Variants in SRPX2 observed in about 807,000 individuals in gnomAD.
SRPX2 encodes the protein sushi repeat-containing protein SRPX2.
In SRPX2, 26 loss-of-function variants were observed where a neutral mutation model predicts 45.3. That is an observed-to-expected ratio of 0.57 (90% CI 0.42 to 0.80). The LOEUF (loss-of-function observed/expected upper bound fraction) is 0.80. Among genes scored for constraint, SRPX2 ranks in the 30% least tolerant of loss-of-function variants. SRPX2 has a pLI of 0.00. For synonymous variants in SRPX2, 125 were observed against 143.7 expected (o/e 0.87, Z 0.93); for missense variants, 355 against 399.8 (o/e 0.89, Z 0.95).
intron 10 of SRPX2, 123 bp from the exon 11 acceptor site, chrX:100,670,684 C>A: frequency 1.3e-6 from 1 of 741,451 alleles, no homozygotes; most frequent in Middle Eastern, 4.4e-4. Flanking sequence ...GGAATGGGGA[C>A]CAGGGATGAG....
Position 100,672,559 on chromosome X carries a change from C to A in SRPX2, c.*1572C>A, listed in dbSNP as rs1438594824. On this transcript the variant is annotated 3_prime_UTR_variant, in exon 11 of 11. Coordinates refer to ENST00000373004, the MANE Select transcript of SRPX2 (RefSeq NM_014467.3). The stretch of plus-strand genomic sequence containing the variant: ...AGGTAATTTGCCTAAGATCAGACAG[C>A]TAGTAAGTGGCAGAGTCAGGATTTC... 8.9e-6 allele frequency: 1 copy of A among 112,498 alleles called. No homozygotes were observed. Among genetic ancestry groups the A allele is most frequent in the Non-Finnish European group, 1.9e-5 (1 of 53,370 alleles). 9.3% of individuals were successfully genotyped at this position (112,498 alleles called of 1,213,427 possible).
chrX:100,665,460 G>T, intron 6 of SRPX2, 76 bp from the exon 7 acceptor site: 2 of 1,206,848 alleles, frequency 1.7e-6, no homozygotes, highest in Non-Finnish European at 2.2e-6. Context: ...AGGCTAAGGT[G>T]ACAGTGGGGA....
chrX:100,665,213 G>A lies in SRPX2; in HGVS notation c.533-30G>A, dbSNP rs185564106. 5.8e-3 allele frequency: 7,041 copies of A among 1,206,453 alleles called. 14 individuals are homozygous for A. Among genetic ancestry groups the A allele is most frequent in the South Asian group, 0.015 (823 of 55,746 alleles). ...CCTCCAGGGAAAGCAAGGGGCCCAC[G>A]AGTCAGCACTTGATTTTTCATCTTG... On this transcript the variant is annotated intron_variant, in intron 5 of 10. Transcript: ENST00000373004.
chrX:100,669,114 G>A lies in SRPX2; in HGVS notation c.1096-134G>A, dbSNP rs1394873107. On this transcript the variant is annotated intron_variant, in intron 9 of 10. Transcript: ENST00000373004. The stretch of plus-strand genomic sequence containing the variant: ...AACAGGTTGTTGTAGACCCCACAGT[G>A]TGATTGCGTGATCATTGGGGGAGAA... 17 of 845,076 alleles carry A rather than the reference G, an allele frequency of 2.0e-5. No individual in the cohort carries two copies. In the Admixed American group the frequency reaches 4.0e-4, roughly 20 times the overall value. 69.6% of individuals were successfully genotyped at this position (845,076 alleles called of 1,213,427 possible).
Position 100,672,118 on chromosome X carries a change from G to A in SRPX2, c.*1131G>A, listed in dbSNP as rs753031060. ...TGAGAGATGAGCACAGAGCAGGTGG[G>A]AGCTATAGCAGCACAAAATCAAGCC... is the stretch of plus-strand genomic sequence containing the variant. On this transcript the variant is annotated 3_prime_UTR_variant, in exon 11 of 11. Transcript: ENST00000373004. The A allele has an allele frequency of 1.8e-5, 2 of 112,493 alleles. No individual in the cohort carries two copies. The highest frequency in any genetic ancestry group is 3.8e-5 in the Non-Finnish European group (2 of 53,308). The allele number at this position is 112,493 out of a possible 1,213,427, so 9.3% of individuals were successfully genotyped here.
chrX:100,665,533 C>T lies in SRPX2; in HGVS notation c.660-3C>T. Reference sequence around the variant, plus strand: ...AGTGTTTATTTCACCCTGTCCCATGCAGGGTGACACTTCGGGGCCCTGAGC... The same window carrying T: ...AGTGTTTATTTCACCCTGTCCCATGTAGGGTGACACTTCGGGGCCCTGAGC... On this transcript the variant is annotated splice_polypyrimidine_tract_variant and splice_region_variant and intron_variant, in intron 6 of 10. Coordinates refer to ENST00000373004, the MANE Select transcript of SRPX2 (RefSeq NM_014467.3). 1 of 1,212,015 alleles carries T rather than the reference C, an allele frequency of 8.3e-7. No homozygotes were observed. Among genetic ancestry groups the T allele is most frequent in the Non-Finnish European group, 1.1e-6 (1 of 895,547 alleles).
rs1255704098 is a variant in SRPX2 at position 100,673,273 on chromosome X, A to G, written c.*2286A>G. On this transcript the variant is annotated 3_prime_UTR_variant, in exon 11 of 11. Coordinates refer to ENST00000373004, the MANE Select transcript of SRPX2 (RefSeq NM_014467.3). ...AGCTCCACCTGGACCTGACTCAAGG[A>G]ACATTTATATGCAACTGAGGAGCTT... The G allele has an allele frequency of 8.9e-6, 1 of 112,453 alleles. No individual in the cohort carries two copies. The highest frequency in any genetic ancestry group is 1.9e-5 in the Non-Finnish European group (1 of 53,306). 9.3% of individuals were successfully genotyped at this position (112,453 alleles called of 1,213,427 possible).
At chrX:100,644,636 A>G (rs1244466994) in intron 1 of SRPX2, 121 bp downstream of exon 1, 1 of 111,380 alleles carries the variant, frequency 9.0e-6, no homozygotes, top group Non-Finnish European at 1.9e-5. Flanking sequence ...AAGTTCTTTT[A>G]TGAAGCTGGA....
intron 4 of SRPX2, among the ~76,000 whole-genome samples, chrX:100,664,282 T>C (rs748054883): frequency 9.1e-6 from 1 of 109,958 alleles, no homozygotes; most frequent in Non-Finnish European, 1.9e-5. Context: ...TCTATTTGTT[T>C]AGAGAAGTTT....
At chrX:100,663,807 G>A (rs1326468125) in intron 4 of SRPX2, among the ~76,000 whole-genome samples, 3 of 112,129 alleles carry the variant, frequency 2.7e-5, no homozygotes, top group Non-Finnish European at 5.6e-5. Flanking sequence ...GGTGTCCAAG[G>A]CACATGGATT....
At chrX:100,668,729 C>T (rs1200484292) in intron 9 of SRPX2, among the ~76,000 whole-genome samples, 1 of 111,766 alleles carries the variant, frequency 8.9e-6, no homozygotes, top group South Asian at 3.8e-4. Context: ...GGAGACCGAG[C>T]GAAGGCCCTG....
intron 9 of SRPX2, among the ~76,000 whole-genome samples, chrX:100,668,487 A>G (rs1430648691): frequency 9.0e-6 from 1 of 111,005 alleles, no homozygotes; most frequent in Non-Finnish European, 1.9e-5. Context: ...CAGCAAGCAT[A>G]GTGACTCTGA....
chrX:100,668,828 A>G (rs898248393), intron 9 of SRPX2, among the ~76,000 whole-genome samples: 1 of 111,982 alleles, frequency 8.9e-6, no homozygotes, highest in African/African-American at 3.3e-5. Flanking sequence ...TATTGTCACC[A>G]CCTGGCTTGT....
At chrX:100,668,438 T>C (rs2083212153) in intron 9 of SRPX2, among the ~76,000 whole-genome samples, 1 of 110,129 alleles carries the variant, frequency 9.1e-6, no homozygotes, top group Admixed American at 9.6e-5. Context: ...CAACAGTTCC[T>C]TTGGAAGCAA....
rs1478158556 is a variant in SRPX2 at position 100,671,978 on chromosome X, G to A, written c.*991G>A. ...AAACGATTCTCTCCCTTCCTCAGAG[G>A]AGTCCCCAGCTTGTTACTTAGGAAA... is the stretch of plus-strand genomic sequence containing the variant. On this transcript the variant is annotated 3_prime_UTR_variant, in exon 11 of 11. Coordinates refer to ENST00000373004, the MANE Select transcript of SRPX2 (RefSeq NM_014467.3). 1.8e-5 allele frequency: 2 copies of A among 112,141 alleles called. No homozygotes were observed. Among genetic ancestry groups the A allele is most frequent in the Non-Finnish European group, 3.8e-5 (2 of 53,226 alleles). 9.2% of individuals were successfully genotyped at this position (112,141 alleles called of 1,213,427 possible). A position where few individuals can be genotyped will look rare whatever the true frequency, so the allele number is the denominator to read the frequency against.
chrX:100,671,023 G>C lies in SRPX2; in HGVS notation c.*36G>C, dbSNP rs768382138. 12 of 1,175,927 alleles carry C rather than the reference G, an allele frequency of 1.0e-5. No individual in the cohort carries two copies. Among genetic ancestry groups the C allele is most frequent in the African/African-American group, 1.8e-5 (1 of 56,622 alleles). ...GGGCATGGTTAAAGTCAAGGGAAAA[G>C]CTCCTCTAGTTAGCTGAAACTGGGA... On this transcript the variant is annotated 3_prime_UTR_variant, in exon 11 of 11. Transcript: ENST00000373004.
chrX:100,664,215 ATTT>A (rs5903167), intron 4 of SRPX2, among the ~76,000 whole-genome samples: 7 of 98,720 alleles, frequency 7.1e-5, no homozygotes, highest in Non-Finnish European at 1.4e-4. Context: ...GTCAGGTCTG[ATTT>A]TTTTTTTTTT....
intron 5 of SRPX2, 61 bp downstream of exon 5, chrX:100,665,011 A>C (rs751311389): frequency 4.1e-5 from 48 of 1,166,092 alleles, no homozygotes; most frequent in Admixed American, 1.2e-4. Context: ...TTATATCGAC[A>C]AAAGATGTGG....
At position 100,671,989 on chromosome X, in the gene SRPX2, T is replaced by G. The variant is rs1042330423; in HGVS notation, c.*1002T>G. On this transcript the variant is annotated 3_prime_UTR_variant, in exon 11 of 11. Coordinates refer to ENST00000373004, the MANE Select transcript of SRPX2 (RefSeq NM_014467.3). ...TCCCTTCCTCAGAGGAGTCCCCAGC[T>G]TGTTACTTAGGAAACTTCAAAACCA... 1 of 112,156 alleles carries G rather than the reference T, an allele frequency of 8.9e-6. No homozygotes were observed. The highest frequency in any genetic ancestry group is 3.2e-5 in the African/African-American group (1 of 30,819). The allele number at this position is 112,156 out of a possible 1,213,427, so 9.2% of individuals were successfully genotyped here. A position where few individuals can be genotyped will look rare whatever the true frequency, so the allele number is the denominator to read the frequency against.
Sources: allele counts gnomAD v4.1 joint callset (sites outside exome capture counted in the v4.1 genomes callset), GRCh38; gene constraint gnomAD v4.1.1; transcripts MANE v1.5; gene names NCBI Gene and HGNC (gene_info 2026-07-23, HGNC 2026-07-21).